TANC2: variants seen among roughly 807,000 people sequenced by gnomAD.
TANC2 encodes the protein tetratricopeptide repeat, ankyrin repeat and coiled-coil containing 2.
TANC2 carries 26 observed loss-of-function variants against 210.5 expected under a neutral mutation model. The ratio of observed to expected loss-of-function variants is 0.12; its 90% CI spans 0.09 to 0.17. The LOEUF is 0.17. TANC2 is among the 10% of genes least tolerant of loss of function. The probability of loss-of-function intolerance (pLI) is 1.00; values close to 1 mark genes in which losing one functional copy is unlikely to be tolerated. For missense variants in TANC2, 2,129 were observed against 2,608.9 expected (o/e 0.82, Z 4.01); for synonymous variants, 931 against 967.1 (o/e 0.96, Z 0.69).
chr17:63,388,512 C>T (rs2047857814), intron 15 of TANC2, 123 bp from the exon 16 acceptor site: 1 of 989,032 alleles, frequency 1.0e-6, no homozygotes, highest in Non-Finnish European at 1.4e-6. Context: ...TTGGCATGAA[C>T]ATTGTTAGGG....
intron 1 of TANC2, among the ~76,000 whole-genome samples, chr17:62,996,948 C>G (rs370106415): frequency 9.1e-4 from 93 of 102,148 alleles, no homozygotes; most frequent in Middle Eastern, 5.1e-3. Context: ...CAAGTAGCTG[C>G]GATTACAAGT....
chr17:63,340,947 C>T (rs1293867224), intron 12 of TANC2, among the ~76,000 whole-genome samples: 3 of 152,196 alleles, frequency 2.0e-5, no homozygotes, highest in Non-Finnish European at 4.4e-5. Context: ...CCTTTTTCCT[C>T]TGCAGTTCTA....
intron 7 of TANC2, among the ~76,000 whole-genome samples, chr17:63,221,993 A>G (rs1352046675): frequency 1.3e-5 from 2 of 152,250 alleles, no homozygotes; most frequent in Non-Finnish European, 2.9e-5. Flanking sequence ...GTCTTAGTCC[A>G]TTTGGGCTGA....
chr17:63,040,094 A>G (rs1432230676), intron 2 of TANC2, among the ~76,000 whole-genome samples: 1 of 152,208 alleles, frequency 6.6e-6, no homozygotes, highest in Non-Finnish European at 1.5e-5. Flanking sequence ...GTGGTGAGAT[A>G]TGGAAAATCA....
At chr17:63,100,958 A>G (rs942665168) in intron 4 of TANC2, among the ~76,000 whole-genome samples, 8 of 152,172 alleles carry the variant, frequency 5.3e-5, no homozygotes, top group Non-Finnish European at 1.0e-4. Flanking sequence ...TCATAGTTTA[A>G]TTTACTGAAG....
At chr17:63,397,959 G>A (rs2048221806) in intron 18 of TANC2, among the ~76,000 whole-genome samples, 1 of 152,304 alleles carries the variant, frequency 6.6e-6, no homozygotes, top group African/African-American at 2.4e-5. Flanking sequence ...CAATTGAGCT[G>A]ACATGTCACC....
intron 11 of TANC2, among the ~76,000 whole-genome samples, chr17:63,327,574 G>A (rs2146683795): frequency 6.6e-6 from 1 of 152,220 alleles, no homozygotes; most frequent in Non-Finnish European, 1.5e-5. Context: ...CCATTACTGG[G>A]TATATACCCA....
At chr17:63,144,344 AT>A (rs2039393784) in intron 4 of TANC2, among the ~76,000 whole-genome samples, 1 of 152,164 alleles carries the variant, frequency 6.6e-6, no homozygotes, top group Non-Finnish European at 1.5e-5. Context: ...CCACATACTA[AT>A]TGATATTTGT....
intron 2 of TANC2, among the ~76,000 whole-genome samples, chr17:63,060,145 G>T (rs538263392): frequency 1.3e-5 from 2 of 152,230 alleles, no homozygotes; most frequent in Middle Eastern, 3.4e-3. Context: ...ATAATTACTC[G>T]CTTGCTTTAT....
intron 1 of TANC2, among the ~76,000 whole-genome samples, chr17:62,989,506 T>C (rs556478799): frequency 1.3e-5 from 2 of 152,286 alleles, no homozygotes; most frequent in East Asian, 1.9e-4. Context: ...AAAATAACAG[T>C]TTAATTTTAA....
intron 5 of TANC2, among the ~76,000 whole-genome samples, chr17:63,188,818 A>G (rs1359981789): frequency 6.6e-6 from 1 of 152,068 alleles, no homozygotes; most frequent in Non-Finnish European, 1.5e-5. Context: ...TCCTTTTAAG[A>G]TGTACACCTC....
rs114517956 is a variant in TANC2 at position 63,375,016 on chromosome 17, A to G, written c.2583-4702A>G. Among the ~76,000 whole-genome samples the G allele has an allele frequency of 5.5e-3, 838 of 152,276 alleles. 7 individuals are homozygous for G. Among genetic ancestry groups the G allele is most frequent in the African/African-American group, 0.018 (740 of 41,564 alleles). ...TGAGTAACTGGCAATATTTAAAAAA[A>G]AGAGAGAGAGATGGTTTTGAGGGAA... is the stretch of plus-strand genomic sequence containing the variant. On this transcript the variant is annotated intron_variant, in intron 14 of 27. Coordinates refer to ENST00000689528, the Ensembl canonical transcript of TANC2.
At chr17:63,209,470 G>T (rs2041821099) in intron 7 of TANC2, among the ~76,000 whole-genome samples, 1 of 152,162 alleles carries the variant, frequency 6.6e-6, no homozygotes, top group African/African-American at 2.4e-5. Context: ...GTCTCACAGT[G>T]TAGCCTGGGC....
chr17:62,972,037 G>A (rs1451303032), intron 1 of TANC2, among the ~76,000 whole-genome samples: 1 of 152,162 alleles, frequency 6.6e-6, no homozygotes, highest in African/African-American at 2.4e-5. Context: ...GGAACTTTGG[G>A]TCTGAGTTTT....
chr17:63,422,095 A>C, exon 28 of TANC2: 1 of 1,117,170 alleles, frequency 9.0e-7, no homozygotes, highest in Non-Finnish European at 1.2e-6. Context: ...ACATGCTGAA[A>C]TCCTTTGCAT....
intron 1 of TANC2, among the ~76,000 whole-genome samples, chr17:62,997,839 C>T (rs547670882): frequency 6.6e-6 from 1 of 152,068 alleles, no homozygotes; most frequent in African/African-American, 2.4e-5. Context: ...GCCAATCCAC[C>T]ACAAAACCAA....
intron 9 of TANC2, among the ~76,000 whole-genome samples, chr17:63,284,675 G>C (rs1399652056): frequency 6.6e-6 from 1 of 151,770 alleles, no homozygotes; most frequent in Non-Finnish European, 1.5e-5. Context: ...AATATAGTCT[G>C]TCTTCATAAA....
chr17:63,266,927 G>A (rs1394661690), intron 8 of TANC2, among the ~76,000 whole-genome samples: 1 of 152,096 alleles, frequency 6.6e-6, no homozygotes, highest in African/African-American at 2.4e-5. Flanking sequence ...ATGGCTGGCT[G>A]CAGCCTTGAC....
chr17:63,079,320 G>T (rs1455286080), intron 3 of TANC2, among the ~76,000 whole-genome samples: 2 of 152,104 alleles, frequency 1.3e-5, no homozygotes, highest in African/African-American at 4.8e-5. Flanking sequence ...GGGGTTTGGG[G>T]TACATAAAAA....
Sources: allele counts gnomAD v4.1 joint callset (sites outside exome capture counted in the v4.1 genomes callset), GRCh38; gene constraint gnomAD v4.1.1; transcripts MANE v1.5; gene names NCBI Gene and HGNC (gene_info 2026-07-23, HGNC 2026-07-21).